The following CMYA5 variants were observed in gnomAD, a reference collection of about 807,000 sequenced individuals.
CMYA5 encodes cardiomyopathy-associated protein 5.
CMYA5 carries 246 observed loss-of-function variants against 318.9 expected under a neutral mutation model. The ratio of observed to expected loss-of-function variants is 0.77; its 90% CI spans 0.70 to 0.86. The LOEUF (loss-of-function observed/expected upper bound fraction) is 0.86. CMYA5 is among the 40% of genes least tolerant of loss of function. The probability of loss-of-function intolerance (pLI) is 0.00; values close to 1 mark genes in which losing one functional copy is unlikely to be tolerated. For synonymous variants in CMYA5, 1,641 were observed against 1,729.5 expected (o/e 0.95, Z 1.27); for missense variants, 4,589 against 4,678.2 (o/e 0.98, Z 0.56).
chr5:79,735,721 C>A lies in CMYA5; in HGVS notation c.6956C>A (p.Ser2319Tyr). 6.3e-7 allele frequency: 1 copy of A among 1,597,570 alleles called. No homozygotes were observed. Among genetic ancestry groups the A allele is most frequent in the Non-Finnish European group, 8.5e-7 (1 of 1,175,428 alleles). The change falls in exon 2 of 13, where the codon TCT becomes TAT. Residue 2319 changes from serine to tyrosine, a missense_variant. Ser to Tyr is a moderately radical substitution (Grantham distance 144). Around this residue, in one of 3 missense-constraint regions of CMYA5, gnomAD observed 2,431 missense variants for 2,495.1 expected, o/e 0.97. Transcript: ENST00000446378. ...GATGGTGAGAACCTTGAAATTCAAT[C>A]TTATTCACTAATCGGTGAGAAATTG... is the stretch of plus-strand genomic sequence containing the variant. ...SADGENLEIQSYSLIGEKLVM... is the reference protein window; with the variant it reads ...SADGENLEIQYYSLIGEKLVM...
chr5:79,737,428 C>G lies in CMYA5; in HGVS notation c.8663C>G (p.Ala2888Gly), dbSNP rs1828100890. The G allele has an allele frequency of 5.6e-6, 9 of 1,613,792 alleles. No individual in the cohort carries two copies. The East Asian group carries it at 2.0e-4, about 36-fold the overall frequency. The change falls in exon 2 of 13, where the codon GCA (alanine) becomes GGA (glycine). Residue 2888 changes from alanine to glycine, a missense_variant. Physicochemically the swap from Ala to Gly is moderately conservative, Grantham distance 60. Coordinates refer to ENST00000446378, the MANE Select transcript of CMYA5 (RefSeq NM_153610.5). ...CGTGTAAAGGAACCACTGTCTTCAG[C>G]AAAAAGCAACTATGCTCAATTTATA... ...DTRVKEPLSS[A>G]KSNYAQFISN...
rs761618368 is a variant in CMYA5 at position 79,689,956 on chromosome 5, G to A, written c.49G>A (p.Asp17Asn). The A allele has an allele frequency of 6.5e-5, 74 of 1,135,124 alleles. 1 individual carries two copies. In the South Asian group the frequency reaches 8.2e-4, roughly 13 times the overall value. The allele number at this position is 1,135,124 out of a possible 1,614,324, so 70.3% of individuals were successfully genotyped here. A position where few individuals can be genotyped will look rare whatever the true frequency, so the allele number is the denominator to read the frequency against. The change falls in exon 1 of 13, where the codon GAC becomes AAC. Residue 17 changes from aspartate (D) to asparagine (N), a missense_variant. Asp to Asn is a conservative substitution (Grantham distance 23, BLOSUM62 1). Around this residue, in one of 3 missense-constraint regions of CMYA5, gnomAD observed 2,132 missense variants for 2,131.3 expected, o/e 1.00. Transcript: ENST00000446378. ...NHAGESFLGS[D>N]GDEEATRELE... ...CGCTGGCGAGAGCTTTCTCGGCTCC[G>A]ACGGGGACGAGGAGGCGACCCGGGA...
chr5:79,771,971 C>A (rs1158138376), intron 9 of CMYA5, among the ~76,000 whole-genome samples: 1 of 152,046 alleles, frequency 6.6e-6, no homozygotes, highest in African/African-American at 2.4e-5. Context: ...AATCCCCTCT[C>A]GTTAATATTT....
rs1828162827 is a variant in CMYA5 at position 79,739,245 on chromosome 5, G to A, written c.10480G>A (p.Glu3494Lys). The A allele has an allele frequency of 6.2e-7, 1 of 1,612,672 alleles. No homozygotes were observed. The highest frequency in any genetic ancestry group is 8.5e-7 in the Non-Finnish European group (1 of 1,179,430). ...GAAAGAAGAAGACCAATTATCATCT[G>A]AGGTAGTAACTGAAAAGGCACAAAA... is the stretch of plus-strand genomic sequence containing the variant. ...ERKEEDQLSS[E>K]VVTEKAQKEL... Residue 3494 changes from glutamate to lysine, a missense_variant, in exon 2 of 13, where the codon GAG (glutamate) becomes AAG (lysine). By Grantham distance (56) the Glu-to-Lys change is moderately conservative. This residue lies in a region of CMYA5 where 2,431 missense variants were observed against 2,495.1 expected (regional missense o/e 0.97). Transcript: ENST00000446378.
At position 79,734,171 on chromosome 5, in the gene CMYA5, A is replaced by T. The variant is rs375044600; in HGVS notation, c.5406A>T (p.Val1802=). ...EETGHPNSSQ[V]LQSITEPSKI... ...CAGGCCACCCAAATTCATCCCAGGTACTCCAGAGTATAACAGAACCATCAA... is the reference window on the plus strand; with the variant it reads ...CAGGCCACCCAAATTCATCCCAGGTTCTCCAGAGTATAACAGAACCATCAA... Residue 1802 remains valine (V), a synonymous_variant, in exon 2 of 13, where the codon GTA becomes GTT. Coordinates refer to ENST00000446378, the MANE Select transcript of CMYA5 (RefSeq NM_153610.5). 6.2e-7 allele frequency: 1 copy of T among 1,613,674 alleles called. No homozygotes were observed. Among genetic ancestry groups the T allele is most frequent in the Non-Finnish European group, 8.5e-7 (1 of 1,179,832 alleles).
chr5:79,734,261 A>G lies in CMYA5; in HGVS notation c.5496A>G (p.Gln1832=), dbSNP rs754285554. The G allele has an allele frequency of 4.4e-5, 71 of 1,613,486 alleles. No homozygotes were observed. Among genetic ancestry groups the G allele is most frequent in the Non-Finnish European group, 5.7e-5 (67 of 1,179,790 alleles). The change falls in exon 2 of 13, where the codon CAA becomes CAG. Residue 1832 remains glutamine, a synonymous_variant. Transcript: ENST00000446378. ...CAGAAAAAGCACTTCATTCAGATCAAACTGTTAAATTACCTGATGTAAGCA... is the reference window on the plus strand; with the variant it reads ...CAGAAAAAGCACTTCATTCAGATCAGACTGTTAAATTACCTGATGTAAGCA... ...KKTEKALHSD[Q]TVKLPDVSTS...
intron 5 of CMYA5, among the ~76,000 whole-genome samples, chr5:79,751,765 C>T (rs953171299): frequency 2.0e-5 from 3 of 152,066 alleles, no homozygotes; most frequent in African/African-American, 7.2e-5. Flanking sequence ...GGACAAAAAC[C>T]GAAGAGGCTG....
Position 79,729,217 on chromosome 5 carries a change from G to A in CMYA5, c.452G>A (p.Arg151Lys), listed in dbSNP as rs1251288741. ...GSPSLRRKGN[R>K]KRNSFESQDV... ...CCATCATTACGCCGGAAAGGCAACA[G>A]AAAAAGAAATTCTTTTGAATCCCAA... Residue 151 changes from arginine (R) to lysine (K), a missense_variant, in exon 2 of 13, where the codon AGA (arginine) becomes AAA (lysine). Transcript: ENST00000446378. 1 of 1,612,414 alleles carries A rather than the reference G, an allele frequency of 6.2e-7. No homozygotes were observed. Among genetic ancestry groups the A allele is most frequent in the Non-Finnish European group, 8.5e-7 (1 of 1,179,532 alleles).
chr5:79,697,718 A>G (rs978714448), intron 1 of CMYA5, among the ~76,000 whole-genome samples: 4 of 152,212 alleles, frequency 2.6e-5, no homozygotes, highest in African/African-American at 7.2e-5. Flanking sequence ...GCTCACCTCA[A>G]TATTATGTAA....
chr5:79,724,600 A>C (rs145745916), intron 1 of CMYA5, among the ~76,000 whole-genome samples: 1 of 152,198 alleles, frequency 6.6e-6, no homozygotes, highest in Non-Finnish European at 1.5e-5. Context: ...ATGTTAACTG[A>C]TAATCAGAAG....
intron 6 of CMYA5, among the ~76,000 whole-genome samples, chr5:79,757,607 G>C (rs1828556109): frequency 6.6e-6 from 1 of 152,188 alleles, no homozygotes; most frequent in African/African-American, 2.4e-5. Context: ...ATTTTTGCAA[G>C]TATTTTTCTG....
chr5:79,714,655 G>A (rs1827480437), intron 1 of CMYA5, among the ~76,000 whole-genome samples: 1 of 151,858 alleles, frequency 6.6e-6, no homozygotes, highest in South Asian at 2.1e-4. Context: ...GCTTGGGCTG[G>A]TCTTAAACTC....
Position 79,738,726 on chromosome 5 carries a change from A to C in CMYA5, c.9961A>C (p.Lys3321Gln). Residue 3321 changes from lysine to glutamine, a missense_variant, in exon 2 of 13, where the codon AAG becomes CAG. Physicochemically the swap from Lys to Gln is moderately conservative, Grantham distance 53 (BLOSUM62 1). This residue lies in a region of CMYA5 where 2,431 missense variants were observed against 2,495.1 expected (regional missense o/e 0.97). Transcript: ENST00000446378. ...GACCGTTGGTAACGTAGCGATGCAG[A>C]AGAAAGCTCCCATCACAGAGGACGT... is the stretch of plus-strand genomic sequence containing the variant. ...VETVGNVAMQ[K>Q]KAPITEDVRV... 1.2e-6 allele frequency: 2 copies of C among 1,613,934 alleles called. No individual in the cohort carries two copies. The highest frequency in any genetic ancestry group is 1.7e-6 in the Non-Finnish European group (2 of 1,179,860).
chr5:79,716,457 G>A (rs1409660937), intron 1 of CMYA5, among the ~76,000 whole-genome samples: 1 of 152,168 alleles, frequency 6.6e-6, no homozygotes, highest in Admixed American at 6.5e-5. Flanking sequence ...AAGTAATTGC[G>A]GCTTTTGCCA....
chr5:79,697,633 C>G (rs898554247), intron 1 of CMYA5, among the ~76,000 whole-genome samples: 7 of 152,164 alleles, frequency 4.6e-5, no homozygotes, highest in Non-Finnish European at 5.9e-5. Context: ...TTTCAGACAG[C>G]TGGTAAGTAG....
intron 9 of CMYA5, among the ~76,000 whole-genome samples, chr5:79,787,000 C>A (rs1580806640): frequency 1.3e-5 from 2 of 152,268 alleles, no homozygotes; most frequent in South Asian, 4.1e-4. Context: ...ACCATGTAAA[C>A]CTTTATTCTT....
At position 79,745,225 on chromosome 5, in the gene CMYA5, A is replaced by T. The variant is rs1828294968; in HGVS notation, c.10738A>T (p.Asn3580Tyr). The stretch of plus-strand genomic sequence containing the variant: ...TTTTTTGCTTGTTTGTTTTCAGGAA[A>T]ACTGTAGTAAAAATGAGAAAAGGCT... ...IESFFNTIEE[N>Y]CSKNEKRLEE... Residue 3580 changes from asparagine (N) to tyrosine (Y), a missense_variant, in exon 4 of 13, where the codon AAC becomes TAC. By Grantham distance (143) the Asn-to-Tyr change is moderately radical (BLOSUM62 -2). Transcript: ENST00000446378. 1.9e-6 allele frequency: 3 copies of T among 1,561,760 alleles called. No individual in the cohort carries two copies. The highest frequency in any genetic ancestry group is 2.7e-5 in the African/African-American group (2 of 73,542).
chr5:79,750,000 GT>G (rs1828401014), intron 5 of CMYA5, among the ~76,000 whole-genome samples: 1 of 135,642 alleles, frequency 7.4e-6, no homozygotes, highest in East Asian at 2.3e-4. Context: ...ATCTCCTAAG[GT>G]TTTTGCCTAT....
chr5:79,738,715 T>A lies in CMYA5; in HGVS notation c.9950T>A (p.Val3317Glu), dbSNP rs760547027. 7 of 1,613,866 alleles carry A rather than the reference T, an allele frequency of 4.3e-6. No homozygotes were observed. The South Asian group carries it at 7.7e-5, about 18-fold the overall frequency. The change falls in exon 2 of 13, where the codon GTA becomes GAA. Residue 3317 changes from valine to glutamate, a missense_variant. Around this residue, in one of 3 missense-constraint regions of CMYA5, gnomAD observed 2,431 missense variants for 2,495.1 expected, o/e 0.97. Transcript: ENST00000446378. ...SVDHVETVGN[V>E]AMQKKAPITE... ...GACCATGTGGAGACCGTTGGTAACG[T>A]AGCGATGCAGAAGAAAGCTCCCATC...
Sources: allele counts gnomAD v4.1 joint callset (sites outside exome capture counted in the v4.1 genomes callset), GRCh38; gene constraint gnomAD v4.1.1; regional missense constraint gnomAD v4.1.1; transcripts MANE v1.5; gene names NCBI Gene and HGNC (gene_info 2026-07-23, HGNC 2026-07-21).